Variants in OR10H1 observed in about 807,000 individuals in gnomAD.
OR10H1 encodes olfactory receptor 10H1.
OR10H1 carries 12 observed loss-of-function variants against 13.1 expected under a neutral mutation model. The observed-to-expected ratio is 0.92, with a 90% CI of 0.59 to 1.48. OR10H1 has a LOEUF of 1.48. OR10H1 is among the 40% of genes most tolerant of loss of function. OR10H1 has a pLI of 0.00. For missense variants in OR10H1, 363 were observed against 413.1 expected (o/e 0.88, Z 1.05); for synonymous variants, 168 against 175.6 (o/e 0.96, Z 0.34).
chr19:15,809,709 A>G (rs1379619247), intron 2 of OR10H1, among the ~76,000 whole-genome samples: 2 of 152,232 alleles, frequency 1.3e-5, no homozygotes, highest in Non-Finnish European at 2.9e-5. Context: ...TAGATGCTAC[A>G]TATGATAATT....
Position 15,805,169 on chromosome 19 carries a change from G to T in OR10H1, c.*1912C>A, listed in dbSNP as rs2088888526. On this transcript the variant is annotated 3_prime_UTR_variant, in exon 4 of 4. Coordinates refer to ENST00000641419, the MANE Select transcript of OR10H1 (RefSeq NM_013940.4). ...TGCAAAAATTTTCTCCCATTCTGTA[G>T]GTTGCCTGTTCACTCTGATGGTAGT... 6.6e-6 allele frequency: 1 copy of T among 151,914 alleles called. No individual in the cohort carries two copies. The highest frequency in any genetic ancestry group is 2.4e-5 in the African/African-American group (1 of 41,366). The allele number at this position is 151,914 out of a possible 1,614,324, so 9.4% of individuals were successfully genotyped here.
chr19:15,814,470 TGTGTGTGTGTGAGA>T (rs1425826933), intron 1 of OR10H1, among the ~76,000 whole-genome samples: 548 of 54,194 alleles, frequency 0.01, 4 homozygotes, highest in Non-Finnish European at 0.017. Flanking sequence ...TGTGTGTGTG[TGTGTGTGTGTGAGA>T]GAGAGAGAGA....
At chr19:15,814,480 TGAGAGAGAGAGAGAGAGAGAGAGAGAGA>T (rs58307648) in intron 1 of OR10H1, among the ~76,000 whole-genome samples, 946 of 67,998 alleles carry the variant, frequency 0.014, 11 homozygotes, top group African/African-American at 0.053. Context: ...TGTGTGTGTG[TGAGAGAGAGAGAGAGAGAGAGAGAGAGA>T]GAGAGAGAGA....
In OR10H1 at chr19:15,807,971, G is replaced by A. The variant is rs1428458431; in HGVS notation, c.67C>T (p.Leu23Phe). The A allele has an allele frequency of 1.9e-6, 3 of 1,614,186 alleles. No individual in the cohort carries two copies. The East Asian group carries it at 6.7e-5, about 36-fold the overall frequency. ...ILVGFSVFPH[L>F]QLMLFLLFLL... The stretch of plus-strand genomic sequence containing the variant: ...AACAGCAGGAAGAGCATCAGCTGGA[G>A]GTGGGGGAAGACAGAGAAGCCGACG... The change falls in exon 4 of 4, where the codon CTC becomes TTC. Residue 23 changes from leucine to phenylalanine, a missense_variant. Around this residue, in one of 3 missense-constraint regions of OR10H1, gnomAD observed 318 missense variants for 366.6 expected, o/e 0.87. Coordinates refer to ENST00000641419, the MANE Select transcript of OR10H1 (RefSeq NM_013940.4).
Position 15,807,639 on chromosome 19 carries a change from G to C in OR10H1, c.399C>G (p.Asn133Lys). 1 of 1,614,162 alleles carries C rather than the reference G, an allele frequency of 6.2e-7. No individual in the cohort carries two copies. Among genetic ancestry groups the C allele is most frequent in the Non-Finnish European group, 8.5e-7 (1 of 1,180,014 alleles). Reference sequence around the variant, plus strand: ...CGCAGCCCCGCGGGCTCATGAGCACGTTGTAGCGCAGGGGGTGGCAGATGG... The same window carrying C: ...CGCAGCCCCGCGGGCTCATGAGCACCTTGTAGCGCAGGGGGTGGCAGATGG... ...YVAICHPLRYNVLMSPRGCAC... is the reference protein window; with the variant it reads ...YVAICHPLRYKVLMSPRGCAC... Residue 133 changes from asparagine to lysine, a missense_variant, in exon 4 of 4, where the codon AAC (asparagine) becomes AAG (lysine). By Grantham distance (94) the Asn-to-Lys change is moderately conservative. Coordinates refer to ENST00000641419, the MANE Select transcript of OR10H1 (RefSeq NM_013940.4).
At chr19:15,813,815 G>A (rs2088948596) in intron 1 of OR10H1, among the ~76,000 whole-genome samples, 1 of 150,976 alleles carries the variant, frequency 6.6e-6, no homozygotes, top group South Asian at 2.1e-4. Context: ...GAGAAGGGTG[G>A]GGAGAGAGAG....
rs891167800 is a variant in OR10H1 at position 15,805,628 on chromosome 19, A to C, written c.*1453T>G. Reference sequence around the variant, plus strand: ...ACGCCTGGCTAATTTTTATATTTTTAGTAGAGATGGGGTTTCAGCCATTTG... The same window carrying C: ...ACGCCTGGCTAATTTTTATATTTTTCGTAGAGATGGGGTTTCAGCCATTTG... On this transcript the variant is annotated 3_prime_UTR_variant, in exon 4 of 4. Coordinates refer to ENST00000641419, the MANE Select transcript of OR10H1 (RefSeq NM_013940.4). 1 of 151,862 alleles carries C rather than the reference A, an allele frequency of 6.6e-6. No homozygotes were observed. Among genetic ancestry groups the C allele is most frequent in the Non-Finnish European group, 1.5e-5 (1 of 68,014 alleles). The allele number at this position is 151,862 out of a possible 1,614,324, so 9.4% of individuals were successfully genotyped here.
Position 15,807,708 on chromosome 19 carries a change from G to A in OR10H1, c.330C>T (p.Thr110=). ...CCATGACGGTGAGCAGGAAGGAGTGGGTGAAGCCGAAGCTGAAGGAGAAGA... is the reference window on the plus strand; with the variant it reads ...CCATGACGGTGAGCAGGAAGGAGTGAGTGAAGCCGAAGCTGAAGGAGAAGA... ...QMFFSFSFGF[T]HSFLLTVMGY... Residue 110 remains threonine (T), a synonymous_variant, in exon 4 of 4, where the codon ACC becomes ACT. Coordinates refer to ENST00000641419, the MANE Select transcript of OR10H1 (RefSeq NM_013940.4). The A allele has an allele frequency of 6.2e-7, 1 of 1,613,918 alleles. No homozygotes were observed. Among genetic ancestry groups the A allele is most frequent in the South Asian group, 1.1e-5 (1 of 91,056 alleles).
intron 1 of OR10H1, among the ~76,000 whole-genome samples, chr19:15,814,476 TGTGTGAGAGAGA>T (rs1403524960): frequency 5.3e-4 from 23 of 43,086 alleles, no homozygotes; most frequent in African/African-American, 1.4e-3. Flanking sequence ...TGTGTGTGTG[TGTGTGAGAGAGA>T]GAGAGAGAGA....
chr19:15,806,767 G>A lies in OR10H1; in HGVS notation c.*314C>T, dbSNP rs544101417. 2.9e-4 allele frequency: 73 copies of A among 256,010 alleles called. 1 individual carries two copies. In the South Asian group the frequency reaches 4.3e-3, roughly 15 times the overall value. 15.9% of individuals were successfully genotyped at this position (256,010 alleles called of 1,614,324 possible). A position where few individuals can be genotyped will look rare whatever the true frequency, so the allele number is the denominator to read the frequency against. On this transcript the variant is annotated 3_prime_UTR_variant, in exon 4 of 4. Transcript: ENST00000641419. ...TTCTTTGAGACAGTCTCACTCTGTC[G>A]CCCAGGCTGGAGTGCAGTGGTGTGA...
rs1030061028 is a variant in OR10H1 at position 15,805,434 on chromosome 19, A to C, written c.*1647T>G. The C allele has an allele frequency of 1.4e-5, 2 of 140,320 alleles. No homozygotes were observed. Among genetic ancestry groups the C allele is most frequent in the Non-Finnish European group, 3.0e-5 (2 of 66,500 alleles). The allele number at this position is 140,320 out of a possible 1,614,324, so 8.7% of individuals were successfully genotyped here. On this transcript the variant is annotated 3_prime_UTR_variant, in exon 4 of 4. Coordinates refer to ENST00000641419, the MANE Select transcript of OR10H1 (RefSeq NM_013940.4). The stretch of plus-strand genomic sequence containing the variant: ...GCCCATTGGGAAGAGACCATGAGGT[A>C]AACTTTCTTTTTTTTTTTTTTTTTT...
chr19:15,812,155 G>C (rs1355391566), intron 2 of OR10H1, 75 bp downstream of exon 2: 2 of 152,294 alleles, frequency 1.3e-5, no homozygotes, highest in African/African-American at 4.8e-5. Context: ...TGAGTCTGAA[G>C]TGGGGGCCCA....
chr19:15,810,883 A>G (rs1286596684), intron 2 of OR10H1, among the ~76,000 whole-genome samples: 1 of 68,094 alleles, frequency 1.5e-5, no homozygotes. Context: ...ATAAAAATAA[A>G]GAAATAAAAT....
At chr19:15,814,587 A>G (rs2088956530) in intron 1 of OR10H1, among the ~76,000 whole-genome samples, 1 of 151,290 alleles carries the variant, frequency 6.6e-6, no homozygotes, top group South Asian at 2.1e-4. Flanking sequence ...ATCACAGCTC[A>G]CTGCAGCCTT....
chr19:15,807,851 G>C lies in OR10H1; in HGVS notation c.187C>G (p.Leu63Val), dbSNP rs752066788. ...ATCTCGGAGACGGAGAGGGCGCACAGGAAGAGGTACATGGGCGTGTGGAGG... is the reference window on the plus strand; with the variant it reads ...ATCTCGGAGACGGAGAGGGCGCACACGAAGAGGTACATGGGCGTGTGGAGG... ...RSLHTPMYLF[L>V]CALSVSEILY... Residue 63 changes from leucine to valine, a missense_variant, in exon 4 of 4, where the codon CTG becomes GTG. By Grantham distance (32) the Leu-to-Val change is conservative. This residue lies in a region of OR10H1 where 318 missense variants were observed against 366.6 expected (regional missense o/e 0.87). Transcript: ENST00000641419. 1.9e-6 allele frequency: 3 copies of C among 1,611,740 alleles called. No homozygotes were observed. In the Admixed American group the frequency reaches 5.0e-5, roughly 27 times the overall value.
chr19:15,809,924 T>C (rs1003758222), intron 2 of OR10H1, among the ~76,000 whole-genome samples: 60 of 152,140 alleles, frequency 3.9e-4, no homozygotes, highest in African/African-American at 1.3e-3. Flanking sequence ...TAAGCGATCT[T>C]CCCTTCTCAG....
chr19:15,814,970 A>G lies in OR10H1; in HGVS notation c.-778+585T>C, dbSNP rs2088958423. On this transcript the variant is annotated intron_variant, in intron 1 of 3. Coordinates refer to ENST00000641419, the MANE Select transcript of OR10H1 (RefSeq NM_013940.4). ...ACCATCACCTTGGGTCACATTGAGC[A>G]TTGGCTGTCTTCTCTCTGCACCTGT... is the stretch of plus-strand genomic sequence containing the variant. 3.9e-5 allele frequency among the ~76,000 whole-genome samples: 6 copies of G among 152,266 alleles called. No homozygotes were observed. The South Asian group carries it at 1.0e-3, about 26-fold the overall frequency.
intron 2 of OR10H1, among the ~76,000 whole-genome samples, chr19:15,811,649 G>C (rs2088932965): frequency 6.6e-6 from 1 of 152,062 alleles, no homozygotes; most frequent in African/African-American, 2.4e-5. Flanking sequence ...GCAAACCCCT[G>C]TTTGTTGTTA....
Position 15,806,924 on chromosome 19 carries a change from G to T in OR10H1, c.*157C>A, listed in dbSNP as rs187946472. ...GTATTTTTAGTAGAGATGGGGTTTCGCCATGTTAGCCATGCTGGTCTCAAA... is the reference window on the plus strand; with the variant it reads ...GTATTTTTAGTAGAGATGGGGTTTCTCCATGTTAGCCATGCTGGTCTCAAA... On this transcript the variant is annotated 3_prime_UTR_variant, in exon 4 of 4. Transcript: ENST00000641419. 3.0e-6 allele frequency: 2 copies of T among 675,694 alleles called. No homozygotes were observed. Among genetic ancestry groups the T allele is most frequent in the Non-Finnish European group, 2.5e-6 (1 of 393,942 alleles). The allele number at this position is 675,694 out of a possible 1,614,324, so 41.9% of individuals were successfully genotyped here.
Sources: allele counts gnomAD v4.1 joint callset (sites outside exome capture counted in the v4.1 genomes callset), GRCh38; gene constraint gnomAD v4.1.1; regional missense constraint gnomAD v4.1.1; transcripts MANE v1.5; gene names NCBI Gene and HGNC (gene_info 2026-07-23, HGNC 2026-07-21).